Variants in NHLRC2 observed in about 807,000 individuals in gnomAD.
NHLRC2 encodes NHL repeat-containing protein 2.
NHLRC2 carries 33 observed loss-of-function variants against 68.1 expected under a neutral mutation model. The ratio of observed to expected loss-of-function variants is 0.48; its 90% CI spans 0.37 to 0.65. The LOEUF (loss-of-function observed/expected upper bound fraction) is 0.65. Ranked by LOEUF, NHLRC2 falls within the 30% of genes least tolerant of loss-of-function variation. The probability of loss-of-function intolerance (pLI) is 0.00; values close to 1 mark genes in which losing one functional copy is unlikely to be tolerated. For synonymous variants in NHLRC2, 311 were observed against 309.6 expected (o/e 1.00, Z -0.05); for missense variants, 761 against 853.8 (o/e 0.89, Z 1.35).
rs577591736 is a variant in NHLRC2, at chr10:113,910,615, A to T, written c.*2079A>T. 6.6e-6 allele frequency: 1 copy of T among 152,316 alleles called. No individual in the cohort carries two copies. Among genetic ancestry groups the T allele is most frequent in the South Asian group, 2.1e-4 (1 of 4,828 alleles). The allele number at this position is 152,316 out of a possible 1,614,324, so 9.4% of individuals were successfully genotyped here. On this transcript the variant is annotated 3_prime_UTR_variant, in exon 11 of 11. Transcript: ENST00000369301. ...TCTGTTTAAGGACTTAAACAATTTC[A>T]CACTCTAAATGAAGTATATACAATT...
chr10:113,881,920 TC>T (rs1468247331), intron 4 of NHLRC2, among the ~76,000 whole-genome samples: 1 of 151,956 alleles, frequency 6.6e-6, no homozygotes, highest in East Asian at 1.9e-4. Flanking sequence ...ATTTGCCTTT[TC>T]CAAACATTTT....
chr10:113,905,178 C>T, intron 10 of NHLRC2, 142 bp downstream of exon 10: 1 of 448,636 alleles, frequency 2.2e-6, no homozygotes, highest in Non-Finnish European at 3.9e-6. Context: ...AGATCCAACC[C>T]CACATTGGCC....
In NHLRC2 at chr10:113,913,005, A is replaced by G. The variant is rs1403887756; in HGVS notation, c.*4469A>G. On this transcript the variant is annotated 3_prime_UTR_variant, in exon 11 of 11. Transcript: ENST00000369301. ...AATAATAGATATTTATTGAGTAGAT[A>G]TTTATTGAGTTCTTTCTATTTTCCA... The G allele has an allele frequency of 6.6e-6, 1 of 152,200 alleles. No homozygotes were observed. The highest frequency in any genetic ancestry group is 1.9e-4 in the East Asian group (1 of 5,192). 9.4% of individuals were successfully genotyped at this position (152,200 alleles called of 1,614,324 possible). A position where few individuals can be genotyped will look rare whatever the true frequency, so the allele number is the denominator to read the frequency against.
rs1041252027 is a variant in NHLRC2, at chr10:113,858,640, G to A, written c.291G>A (p.Leu97=). 6 of 1,611,508 alleles carry A rather than the reference G, an allele frequency of 3.7e-6. No homozygotes were observed. The African/African-American group carries it at 8.0e-5, about 22-fold the overall frequency. ...GCTGCATAAACTGTATTCACCTATT[G>A]CCTGATCTCCATGCATTAGAACACA... ...TYCCINCIHL[L]PDLHALEHTY... is the part of the protein sequence containing the mutation. Residue 97 remains leucine (L), a synonymous_variant, in exon 2 of 11, where the codon TTG becomes TTA. Transcript: ENST00000369301.
chr10:113,900,989 T>C lies in NHLRC2; in HGVS notation c.1140-677T>C, dbSNP rs894966678. Among the ~76,000 whole-genome samples the C allele has an allele frequency of 1.2e-4, 18 of 152,300 alleles. No individual in the cohort carries two copies. The East Asian group carries it at 2.7e-3, about 23-fold the overall frequency. On this transcript the variant is annotated intron_variant, in intron 6 of 10. Transcript: ENST00000369301. ...AACTTAGAAACCAGGATCTAAAGCT[T>C]TCTCTGCATTACAAAAGGAATCATT...
chr10:113,858,201 C>T (rs532656796), intron 1 of NHLRC2, among the ~76,000 whole-genome samples: 7 of 152,080 alleles, frequency 4.6e-5, no homozygotes, highest in African/African-American at 7.2e-5. Context: ...CTCCCCCACC[C>T]GTACCCCCAT....
At chr10:113,902,262 A>G (rs1398276479) in intron 7 of NHLRC2, among the ~76,000 whole-genome samples, 1 of 152,206 alleles carries the variant, frequency 6.6e-6, no homozygotes, top group Non-Finnish European at 1.5e-5. Context: ...GAGTAAAACT[A>G]CTAAGCACCA....
rs1846343819 is a variant in NHLRC2 at position 113,912,984 on chromosome 10, A to ATAGATATTTATTGAG, written c.*4465_*4479dup. ...GCCTTCACATAAAATAACAAGAATA[A>ATAGATATTTATTGAG]TAGATATTTATTGAGTAGATATTTA... is the stretch of plus-strand genomic sequence containing the variant. On this transcript the variant is annotated 3_prime_UTR_variant, in exon 11 of 11. Transcript: ENST00000369301. 6.6e-6 allele frequency: 1 copy of ATAGATATTTATTGAG among 152,190 alleles called. No homozygotes were observed. The highest frequency in any genetic ancestry group is 1.5e-5 in the Non-Finnish European group (1 of 68,036). The allele number at this position is 152,190 out of a possible 1,614,324, so 9.4% of individuals were successfully genotyped here.
intron 4 of NHLRC2, among the ~76,000 whole-genome samples, chr10:113,881,662 A>G (rs928536445): frequency 2.6e-5 from 4 of 151,778 alleles, no homozygotes; most frequent in Non-Finnish European, 4.4e-5. Flanking sequence ...TTTGTATGTG[A>G]TCTTGTAAGT....
In NHLRC2 at chr10:113,901,846, A is replaced by G. The variant is rs1229160763; in HGVS notation, c.1320A>G (p.Ser440=). The change falls in exon 7 of 11, where the codon TCA becomes TCG. Residue 440 remains serine (S), a synonymous_variant. Coordinates refer to ENST00000369301, the MANE Select transcript of NHLRC2 (RefSeq NM_198514.4). ...DSESSTVRTV[S]LKDGAVKHLV... Reference sequence around the variant, plus strand: ...AGAGCAGTACAGTGAGAACCGTTTCACTGAAAGATGGAGCAGTGAAGCACC... The same window carrying G: ...AGAGCAGTACAGTGAGAACCGTTTCGCTGAAAGATGGAGCAGTGAAGCACC... 27 of 1,614,038 alleles carry G rather than the reference A, an allele frequency of 1.7e-5. No individual in the cohort carries two copies. The highest frequency in any genetic ancestry group is 1.9e-5 in the Non-Finnish European group (22 of 1,180,008).
chr10:113,855,118 C>T (rs1285608456), intron 1 of NHLRC2, 68 bp downstream of exon 1: 27 of 1,384,894 alleles, frequency 1.9e-5, no homozygotes, highest in Non-Finnish European at 2.6e-5. Flanking sequence ...GGCGCCCTCC[C>T]GCGAAGCGGT....
chr10:113,879,457 TA>T, intron 3 of NHLRC2, 116 bp from the exon 4 acceptor site: 1 of 889,614 alleles, frequency 1.1e-6, no homozygotes, highest in Non-Finnish European at 1.7e-6. Flanking sequence ...TTTTAGTTTT[TA>T]GATGGACATA....
At position 113,912,275 on chromosome 10, in the gene NHLRC2, G is replaced by A. The variant is rs974194665; in HGVS notation, c.*3739G>A. 6.6e-5 allele frequency: 10 copies of A among 152,168 alleles called. No individual in the cohort carries two copies. The highest frequency in any genetic ancestry group is 1.9e-4 in the African/African-American group (8 of 41,446). The allele number at this position is 152,168 out of a possible 1,614,324, so 9.4% of individuals were successfully genotyped here. On this transcript the variant is annotated 3_prime_UTR_variant, in exon 11 of 11. Transcript: ENST00000369301. ...ACTGGTAATTATTAGCTTAGTTACT[G>A]TAATGATAATTTGGGACCATAAACA... is the stretch of plus-strand genomic sequence containing the variant.
At chr10:113,863,285 A>T (rs1845833908) in intron 2 of NHLRC2, among the ~76,000 whole-genome samples, 1 of 152,200 alleles carries the variant, frequency 6.6e-6, no homozygotes, top group South Asian at 2.1e-4. Flanking sequence ...CTGATCACAG[A>T]TGAAGTTAGA....
At chr10:113,899,637 C>T (rs996858813) in intron 6 of NHLRC2, among the ~76,000 whole-genome samples, 2 of 152,058 alleles carry the variant, frequency 1.3e-5, no homozygotes, top group South Asian at 2.1e-4. Flanking sequence ...TGAAATTGTT[C>T]GGCTGGGTGC....
At chr10:113,887,081 T>C (rs1846089335) in intron 5 of NHLRC2, among the ~76,000 whole-genome samples, 1 of 152,114 alleles carries the variant, frequency 6.6e-6, no homozygotes, top group South Asian at 2.1e-4. Flanking sequence ...TCAAAAGAGA[T>C]ATGAATGGTA....
intron 2 of NHLRC2, among the ~76,000 whole-genome samples, chr10:113,874,248 T>G (rs1845957500): frequency 6.6e-6 from 1 of 152,216 alleles, no homozygotes; most frequent in South Asian, 2.1e-4. Context: ...TCTCTTTTAA[T>G]CCACCTGACT....
Position 113,909,318 on chromosome 10 carries a change from A to G in NHLRC2, c.*782A>G, listed in dbSNP as rs1426443933. 1 of 152,136 alleles carries G rather than the reference A, an allele frequency of 6.6e-6. No individual in the cohort carries two copies. The highest frequency in any genetic ancestry group is 1.9e-4 in the East Asian group (1 of 5,202). 9.4% of individuals were successfully genotyped at this position (152,136 alleles called of 1,614,324 possible). A position where few individuals can be genotyped will look rare whatever the true frequency, so the allele number is the denominator to read the frequency against. On this transcript the variant is annotated 3_prime_UTR_variant, in exon 11 of 11. Transcript: ENST00000369301. Reference sequence around the variant, plus strand: ...TATTATGACTTTCAAGGAAAAAGGGACTTTAGGACACATTACTTAGTGTCT... The same window carrying G: ...TATTATGACTTTCAAGGAAAAAGGGGCTTTAGGACACATTACTTAGTGTCT...
rs1846394234 is a variant in NHLRC2, at chr10:113,917,099, A to G, written c.*8563A>G. ...GTAATACAAGTGATCATAGAAGGTG[A>G]GAATGTGTTTATACTGTATATGGAA... On this transcript the variant is annotated 3_prime_UTR_variant, in exon 11 of 11. Transcript: ENST00000369301. 1 of 152,202 alleles carries G rather than the reference A, an allele frequency of 6.6e-6. No individual in the cohort carries two copies. The highest frequency in any genetic ancestry group is 1.5e-5 in the Non-Finnish European group (1 of 68,032). 9.4% of individuals were successfully genotyped at this position (152,202 alleles called of 1,614,324 possible).
Sources: allele counts gnomAD v4.1 joint callset (sites outside exome capture counted in the v4.1 genomes callset), GRCh38; gene constraint gnomAD v4.1.1; transcripts MANE v1.5; gene names NCBI Gene and HGNC (gene_info 2026-07-23, HGNC 2026-07-21).